KMT2E: variants seen among roughly 807,000 people sequenced by gnomAD.
The protein encoded by KMT2E is lysine methyltransferase 2E (inactive).
In KMT2E, 30 loss-of-function variants were observed where a neutral mutation model predicts 184.6. That is an observed-to-expected ratio of 0.16 (90% CI 0.12 to 0.22). KMT2E has a LOEUF of 0.22. Ranked by LOEUF, KMT2E falls within the 10% of genes least tolerant of loss-of-function variation. The pLI, the probability that KMT2E is intolerant of heterozygous loss-of-function variation, is 1.00. For missense variants in KMT2E, 2,023 were observed against 2,237.4 expected (o/e 0.90, Z 1.93); for synonymous variants, 815 against 776.5 (o/e 1.05, Z -0.82).
intron 1 of KMT2E, among the ~76,000 whole-genome samples, chr7:105,031,726 T>C (rs1399959012): frequency 6.6e-6 from 1 of 151,686 alleles, no homozygotes. Context: ...CACTCCAGCC[T>C]GGGTGACAGA....
chr7:105,025,168 T>C (rs1253675426), intron 1 of KMT2E, among the ~76,000 whole-genome samples: 1 of 152,152 alleles, frequency 6.6e-6, no homozygotes, highest in Non-Finnish European at 1.5e-5. Context: ...AGAAGCTGTA[T>C]TGTATAGAGT....
chr7:105,015,582 T>C (rs1266256132), intron 1 of KMT2E, among the ~76,000 whole-genome samples: 2 of 152,182 alleles, frequency 1.3e-5, no homozygotes, highest in African/African-American at 4.8e-5. Flanking sequence ...TGAATACCTA[T>C]TTGGAAAATA....
chr7:105,041,557 C>T (rs747087130), intron 3 of KMT2E, among the ~76,000 whole-genome samples: 1 of 152,104 alleles, frequency 6.6e-6, no homozygotes, highest in Non-Finnish European at 1.5e-5. Context: ...TGTGTCACCA[C>T]GCCCAGCTAA....
intron 15 of KMT2E, among the ~76,000 whole-genome samples, chr7:105,093,616 G>A (rs1244108769): frequency 6.6e-6 from 1 of 152,024 alleles, no homozygotes; most frequent in East Asian, 1.9e-4. Context: ...CCTGGGAGGC[G>A]GAGGTTGCAG....
At chr7:105,103,293 C>A (rs1037407241) in intron 17 of KMT2E, 19 of 152,126 alleles carry the variant, frequency 1.2e-4, no homozygotes, top group African/African-American at 4.1e-4. Context: ...CTATCTGATT[C>A]TCTTAAAAAG....
intron 4 of KMT2E, among the ~76,000 whole-genome samples, chr7:105,062,902 A>G (rs1158788076): frequency 2.0e-5 from 3 of 151,942 alleles, no homozygotes; most frequent in Non-Finnish European, 4.4e-5. Context: ...AAAAATTACT[A>G]AATTTAAAAA....
At chr7:105,052,741 T>A (rs945948765) in intron 3 of KMT2E, among the ~76,000 whole-genome samples, 1 of 151,444 alleles carries the variant, frequency 6.6e-6, no homozygotes, top group African/African-American at 2.4e-5. Flanking sequence ...TTTTTTATTT[T>A]TTTATTTTTT....
rs559282964 is a variant in KMT2E, at chr7:105,113,349, C to CTTTT, written c.*16_*17insTTTT. 5.2e-5 allele frequency: 82 copies of CTTTT among 1,591,442 alleles called. No homozygotes were observed. In the African/African-American group the frequency reaches 1.0e-3, roughly 20 times the overall value. ...GTGGCATTAAAATGGACTCCAAAAA[C>CTTTT]ATTTTTTTAAATGTTCTGTAAGATA... On this transcript the variant is annotated 3_prime_UTR_variant, in exon 27 of 27. Transcript: ENST00000311117.
chr7:105,028,632 G>T (rs553699821), intron 1 of KMT2E, among the ~76,000 whole-genome samples: 28 of 152,148 alleles, frequency 1.8e-4, no homozygotes, highest in Middle Eastern at 3.4e-3. Flanking sequence ...TACCTCAGGT[G>T]TTCAGCTTCA....
intron 1 of KMT2E, among the ~76,000 whole-genome samples, chr7:105,016,285 C>T (rs1017176900): frequency 6.6e-6 from 1 of 152,136 alleles, no homozygotes; most frequent in Non-Finnish European, 1.5e-5. Context: ...TTTAAGCTTT[C>T]CTTAAGAATT....
At chr7:105,063,856 A>G in intron 5 of KMT2E, 1 of 489,664 alleles carries the variant, frequency 2.0e-6, no homozygotes, top group South Asian at 2.0e-5. Flanking sequence ...TAGTACAAGT[A>G]CATAAACATA....
At position 105,113,401 on chromosome 7, in the gene KMT2E, A is replaced by G. The variant is rs749189828; in HGVS notation, c.*68A>G. Reference sequence around the variant, plus strand: ...ACTGTATATTTCATATGTACCTGTTAAGGTACTTTTTAAAGCTTGTACATG... The same window carrying G: ...ACTGTATATTTCATATGTACCTGTTGAGGTACTTTTTAAAGCTTGTACATG... On this transcript the variant is annotated 3_prime_UTR_variant, in exon 27 of 27. Coordinates refer to ENST00000311117, the MANE Select transcript of KMT2E (RefSeq NM_182931.3). The G allele has an allele frequency of 1.1e-5, 16 of 1,452,156 alleles. No individual in the cohort carries two copies. The East Asian group carries it at 3.4e-4, about 31-fold the overall frequency. The allele number at this position is 1,452,156 out of a possible 1,614,324, so 90.0% of individuals were successfully genotyped here.
intron 6 of KMT2E, among the ~76,000 whole-genome samples, chr7:105,070,176 T>C (rs1584755897): frequency 6.6e-6 from 1 of 151,556 alleles, no homozygotes; most frequent in African/African-American, 2.4e-5. Flanking sequence ...ACCTAAGTTG[T>C]TTTTCCCCCT....
chr7:105,049,324 G>A (rs1329115386), intron 3 of KMT2E, among the ~76,000 whole-genome samples: 1 of 151,958 alleles, frequency 6.6e-6, no homozygotes, highest in African/African-American at 2.4e-5. Flanking sequence ...GCTTGTGCCC[G>A]TAGTCCCAGC....
chr7:105,038,974 A>G (rs764360812), intron 2 of KMT2E, among the ~76,000 whole-genome samples: 2 of 152,068 alleles, frequency 1.3e-5, no homozygotes, highest in Non-Finnish European at 2.9e-5. Context: ...TTCAGATGTG[A>G]TGATGTATCT....
intron 13 of KMT2E, among the ~76,000 whole-genome samples, chr7:105,085,093 G>C (rs1281603810): frequency 1.3e-5 from 2 of 149,178 alleles, no homozygotes; most frequent in Non-Finnish European, 3.0e-5. Flanking sequence ...TTTTCAAATT[G>C]TTGCAATTGT....
chr7:105,020,870 A>G (rs1794922322), intron 1 of KMT2E, among the ~76,000 whole-genome samples: 2 of 152,200 alleles, frequency 1.3e-5, no homozygotes, highest in South Asian at 4.1e-4. Context: ...AGAATTAACC[A>G]TTACCACTTA....
chr7:105,023,420 AAAG>A (rs1358955930), intron 1 of KMT2E, among the ~76,000 whole-genome samples: 29 of 150,408 alleles, frequency 1.9e-4, no homozygotes, highest in Admixed American at 1.1e-3. Flanking sequence ...AAAAAAAAAA[AAAG>A]AGAGACAAAA....
intron 1 of KMT2E, among the ~76,000 whole-genome samples, chr7:105,030,572 A>G (rs972054037): frequency 8.5e-5 from 13 of 152,212 alleles, no homozygotes; most frequent in African/African-American, 3.1e-4. Flanking sequence ...TTATGAGGAA[A>G]CTAGTGGCTT....
Sources: gnomAD v4.1 joint callset for allele counts (sites outside exome capture counted in the v4.1 genomes callset) on GRCh38, gnomAD v4.1.1 for gene constraint, MANE v1.5 for transcripts, NCBI Gene and HGNC (gene_info 2026-07-23, HGNC 2026-07-21) for gene names.